Variants in SLC7A5 observed in about 807,000 individuals in gnomAD.
The protein encoded by SLC7A5 is large neutral amino acids transporter small subunit 1.
SLC7A5 carries 23 observed loss-of-function variants against 50.2 expected under a neutral mutation model. The ratio of observed to expected loss-of-function variants is 0.46; its 90% CI spans 0.33 to 0.65. The LOEUF (loss-of-function observed/expected upper bound fraction) is 0.65. SLC7A5 is among the 30% of genes least tolerant of loss of function. The probability of loss-of-function intolerance (pLI) is 0.02; values close to 1 mark genes in which losing one functional copy is unlikely to be tolerated. For synonymous variants in SLC7A5, 393 were observed against 330.6 expected, an observed-to-expected ratio of 1.19 and a Z score of -2.05; for missense variants, 578 against 684.4, an observed-to-expected ratio of 0.84 and a Z score of 1.73.
rs1261356569 is a variant in SLC7A5 at position 87,860,760 on chromosome 16, TGCGGGCG to T, written c.538+8118_538+8124del. 6.6e-6 allele frequency among the ~76,000 whole-genome samples: 1 copy of T among 152,210 alleles called. No homozygotes were observed. Among genetic ancestry groups the T allele is most frequent in the Admixed American group, 6.5e-5 (1 of 15,278 alleles). ...AGGATGACTCAGCAGGGATCGAGTT[TGCGGGCG>T]TCACGCTCCAAGGCCCAGAATAGGA... On this transcript the variant is annotated intron_variant, in intron 1 of 9. Coordinates refer to ENST00000261622, the MANE Select transcript of SLC7A5 (RefSeq NM_003486.7). This position sits in a 1 kb window ranked among gnomAD's most constrained non-coding sequence, Gnocchi z 4.8.
At chr16:87,858,425 C>A (rs1362196568) in intron 1 of SLC7A5, among the ~76,000 whole-genome samples, 1 of 152,138 alleles carries the variant, frequency 6.6e-6, no homozygotes, top group African/African-American at 2.4e-5. Context: ...TCCGGAAACC[C>A]ACGCCCCACT....
At chr16:87,838,140 G>C (rs1299635219) in intron 6 of SLC7A5, among the ~76,000 whole-genome samples, 199 bp from the exon 7 acceptor site, 1 of 152,222 alleles carries the variant, frequency 6.6e-6, no homozygotes, top group Non-Finnish European at 1.5e-5. Flanking sequence ...ACAGCAACTT[G>C]GGAGCCACTG....
intron 1 of SLC7A5, among the ~76,000 whole-genome samples, chr16:87,855,569 C>A (rs1428717281): frequency 6.6e-6 from 1 of 152,068 alleles, no homozygotes; most frequent in Non-Finnish European, 1.5e-5. Flanking sequence ...TGCCTCCCTG[C>A]CTGATGCCCG....
intron 7 of SLC7A5, 38 bp from the exon 8 acceptor site, chr16:87,836,685 A>G (rs367912497): frequency 6.2e-7 from 1 of 1,606,922 alleles, no homozygotes; most frequent in African/African-American, 1.3e-5. Flanking sequence ...CCTGGGGCCC[A>G]CGAGCAGGGC....
intron 2 of SLC7A5, among the ~76,000 whole-genome samples, chr16:87,842,478 C>T (rs1000275601): frequency 9.9e-5 from 15 of 152,244 alleles, no homozygotes; most frequent in Admixed American, 3.9e-4. Context: ...AAACAAAGTG[C>T]GCACTTCAAA....
chr16:87,832,795 G>C lies in SLC7A5; in HGVS notation c.*175C>G, dbSNP rs967558366. ...GGTCCCTGGCCCTCAGTTGAGGGAT[G>C]AGATTCGTACCAGAGTTTTCACAGC... On this transcript the variant is annotated 3_prime_UTR_variant, in exon 10 of 10. Coordinates refer to ENST00000261622, the MANE Select transcript of SLC7A5 (RefSeq NM_003486.7). The surrounding 1 kb of genome is among the most constrained non-coding windows in gnomAD (Gnocchi z 4.6). 53 of 659,596 alleles carry C rather than the reference G, an allele frequency of 8.0e-5. No homozygotes were observed. The highest frequency in any genetic ancestry group is 7.2e-4 in the African/African-American group (41 of 56,956). 40.9% of individuals were successfully genotyped at this position (659,596 alleles called of 1,614,324 possible).
Position 87,831,713 on chromosome 16 carries a change from C to G in SLC7A5, c.*1257G>C, listed in dbSNP as rs970861279. 6.6e-6 allele frequency: 1 copy of G among 152,288 alleles called. No homozygotes were observed. The highest frequency in any genetic ancestry group is 1.9e-4 in the East Asian group (1 of 5,200). The allele number at this position is 152,288 out of a possible 1,614,324, so 9.4% of individuals were successfully genotyped here. On this transcript the variant is annotated 3_prime_UTR_variant, in exon 10 of 10. Coordinates refer to ENST00000261622, the MANE Select transcript of SLC7A5 (RefSeq NM_003486.7). The stretch of plus-strand genomic sequence containing the variant: ...CTGGCTGCTGCCATGGAGGCAGCGA[C>G]AGCTCAGGAAAGTGGGCCGCATTGG...
chr16:87,855,355 G>C (rs1223769768), intron 1 of SLC7A5, among the ~76,000 whole-genome samples: 1 of 152,028 alleles, frequency 6.6e-6, no homozygotes, highest in African/African-American at 2.4e-5. Flanking sequence ...CCTGAACAGG[G>C]AGGGCCCACA....
chr16:87,856,070 C>T (rs887734798), intron 1 of SLC7A5, among the ~76,000 whole-genome samples: 6 of 152,196 alleles, frequency 3.9e-5, no homozygotes, highest in South Asian at 2.1e-4. Flanking sequence ...CGGGCCCCTT[C>T]GAGCCCAAAC....
At position 87,861,599 on chromosome 16, in the gene SLC7A5, T is replaced by A. The variant is rs1387086642; in HGVS notation, c.538+7286A>T. Among the ~76,000 whole-genome samples the A allele has an allele frequency of 6.6e-6, 1 of 152,096 alleles. No homozygotes were observed. Among genetic ancestry groups the A allele is most frequent in the African/African-American group, 2.4e-5 (1 of 41,426 alleles). On this transcript the variant is annotated intron_variant, in intron 1 of 9. Coordinates refer to ENST00000261622, the MANE Select transcript of SLC7A5 (RefSeq NM_003486.7). This position sits in a 1 kb window ranked among gnomAD's most constrained non-coding sequence, Gnocchi z 4.2. Reference sequence around the variant, plus strand: ...GTGGCCAAGAGGTGCCAAGAGGTGGTCCAAGAGTGTGCCCTACCTTGGACA... The same window carrying A: ...GTGGCCAAGAGGTGCCAAGAGGTGGACCAAGAGTGTGCCCTACCTTGGACA...
chr16:87,848,103 T>C (rs1426771290), intron 2 of SLC7A5, among the ~76,000 whole-genome samples: 1 of 149,350 alleles, frequency 6.7e-6, no homozygotes, highest in Non-Finnish European at 1.5e-5. Context: ...AGGCTGCGGC[T>C]TTCTTTCCTT....
intron 2 of SLC7A5, among the ~76,000 whole-genome samples, chr16:87,844,257 C>T (rs370673011): frequency 2.0e-5 from 3 of 152,340 alleles, no homozygotes; most frequent in South Asian, 2.1e-4. Context: ...AGCCAAACCC[C>T]GGGTGGGGGG....
chr16:87,851,808 T>A lies in SLC7A5; in HGVS notation c.580A>T (p.Thr194Ser). 6.2e-7 allele frequency: 1 copy of A among 1,612,858 alleles called. No homozygotes were observed. Among genetic ancestry groups the A allele is most frequent in the Non-Finnish European group, 8.5e-7 (1 of 1,179,894 alleles). ...AVNCYSVKAA[T>S]RVQDAFAAAK... The stretch of plus-strand genomic sequence containing the variant: ...GCGGCAAAGGCATCCTGGACCCGGG[T>A]GGCGGCCTTCACGCTGTAGCAGTTC... Residue 194 changes from threonine (T) to serine (S), a missense_variant, in exon 2 of 10, where the codon ACC becomes TCC. Thr to Ser is a moderately conservative substitution (Grantham distance 58). Coordinates refer to ENST00000261622, the MANE Select transcript of SLC7A5 (RefSeq NM_003486.7).
rs2054948562 is a variant in SLC7A5, at chr16:87,832,722, C to A, written c.*248G>T. ...AACAAAGGAGGGAAGGGAAAAAGGGCCCAAGGAGACCAAAAGCTGCTCCTG... is the reference window on the plus strand; with the variant it reads ...AACAAAGGAGGGAAGGGAAAAAGGGACCAAGGAGACCAAAAGCTGCTCCTG... On this transcript the variant is annotated 3_prime_UTR_variant, in exon 10 of 10. Coordinates refer to ENST00000261622, the MANE Select transcript of SLC7A5 (RefSeq NM_003486.7). This position sits in a 1 kb window ranked among gnomAD's most constrained non-coding sequence, Gnocchi z 4.6. 1.1e-5 allele frequency: 5 copies of A among 446,366 alleles called. No individual in the cohort carries two copies. In the South Asian group the frequency reaches 1.2e-4, roughly 11 times the overall value. The allele number at this position is 446,366 out of a possible 1,614,324, so 27.7% of individuals were successfully genotyped here.
rs2055231031 is a variant in SLC7A5 at position 87,851,931 on chromosome 16, C to T, written c.539-82G>A. On this transcript the variant is annotated intron_variant, in intron 1 of 9. Coordinates refer to ENST00000261622, the MANE Select transcript of SLC7A5 (RefSeq NM_003486.7). ...GTAGGCTGGGAGGTGACGACCCCAC[C>T]CCCACCCCAGGGCCAGGTCCACCAG... The T allele has an allele frequency of 1.3e-5, 20 of 1,556,612 alleles. No individual in the cohort carries two copies. In the South Asian group the frequency reaches 2.0e-4, roughly 16 times the overall value.
In SLC7A5 at chr16:87,867,911, C is replaced by T. The variant is rs1010463236; in HGVS notation, c.538+974G>A. Among the ~76,000 whole-genome samples the T allele has an allele frequency of 4.6e-5, 7 of 152,088 alleles. No individual in the cohort carries two copies. In the East Asian group the frequency reaches 9.7e-4, roughly 21 times the overall value. ...CGGGCGGATCACAAGGTCAGGAGATCGAGACCATCCTGGCTAACACGGTGA... is the reference window on the plus strand; with the variant it reads ...CGGGCGGATCACAAGGTCAGGAGATTGAGACCATCCTGGCTAACACGGTGA... On this transcript the variant is annotated intron_variant, in intron 1 of 9. Transcript: ENST00000261622.
In SLC7A5 at chr16:87,862,737, G is replaced by A. The variant is rs529194073; in HGVS notation, c.538+6148C>T. On this transcript the variant is annotated intron_variant, in intron 1 of 9. Transcript: ENST00000261622. This position sits in a 1 kb window ranked among gnomAD's most constrained non-coding sequence, Gnocchi z 5.3. ...GGGATTCCCAGACACCTGGCGCTGG[G>A]GCCAATCCCATTCCACAGTCAGAAA... Among the ~76,000 whole-genome samples, 1 of 152,352 alleles carries A rather than the reference G, an allele frequency of 6.6e-6. No individual in the cohort carries two copies. The highest frequency in any genetic ancestry group is 2.1e-4 in the South Asian group (1 of 4,830).
chr16:87,857,589 G>T (rs1485592539), intron 1 of SLC7A5, among the ~76,000 whole-genome samples: 1 of 152,202 alleles, frequency 6.6e-6, no homozygotes, highest in African/African-American at 2.4e-5. Flanking sequence ...GGCCGGGATG[G>T]TCTGCTTATA....
chr16:87,834,342 C>G, intron 9 of SLC7A5, 72 bp downstream of exon 9: 1 of 1,478,184 alleles, frequency 6.8e-7, no homozygotes, highest in Non-Finnish European at 9.2e-7. Context: ...GTGGAGACGG[C>G]CGACGCCTCT....
Sources: allele counts gnomAD v4.1 joint callset (sites outside exome capture counted in the v4.1 genomes callset), GRCh38; gene constraint gnomAD v4.1.1; non-coding constraint Gnocchi (gnomAD v3.1); transcripts MANE v1.5; gene names NCBI Gene and HGNC (gene_info 2026-07-23, HGNC 2026-07-21).